The following GRM7 variants were observed in gnomAD, a reference collection of about 807,000 sequenced individuals.
GRM7 encodes the protein metabotropic glutamate receptor 7.
A neutral mutation model predicts 84.5 loss-of-function variants in GRM7; 35 were observed. The observed-to-expected ratio is 0.41, with a 90% CI of 0.32 to 0.55. GRM7 has a LOEUF of 0.55. Among genes scored for constraint, GRM7 ranks in the 20% least tolerant of loss-of-function variants. GRM7 has a pLI of 0.19. For missense variants in GRM7, 1,003 were observed against 1,194.6 expected (o/e 0.84, Z 2.36); for synonymous variants, 487 against 455.1 (o/e 1.07, Z -0.89).
At chr3:7,499,491 C>T (rs988036222) in intron 7 of GRM7, among the ~76,000 whole-genome samples, 1 of 152,140 alleles carries the variant, frequency 6.6e-6, no homozygotes, top group African/African-American at 2.4e-5. Flanking sequence ...ATGCTGCTGA[C>T]ATCAATAAAA....
chr3:7,012,235 A>G (rs1438177852), intron 1 of GRM7, among the ~76,000 whole-genome samples: 1 of 152,172 alleles, frequency 6.6e-6, no homozygotes, highest in African/African-American at 2.4e-5. Context: ...TAGTTCACTC[A>G]AGGCAGCATG....
chr3:7,430,819 A>G (rs1575324824), intron 5 of GRM7, among the ~76,000 whole-genome samples: 1 of 152,182 alleles, frequency 6.6e-6, no homozygotes, highest in East Asian at 1.9e-4. Context: ...TATGGAGTAT[A>G]GGGAAGTTTG....
chr3:7,370,887 G>A lies in GRM7; in HGVS notation c.1034-44136G>A, dbSNP rs565638064. 3.3e-5 allele frequency among the ~76,000 whole-genome samples: 5 copies of A among 152,256 alleles called. No homozygotes were observed. The South Asian group carries it at 1.0e-3, about 32-fold the overall frequency. ...CTGAACTGTGGTAGAAGATGATTTA[G>A]AACTACTTAAAAGTTTCTGAAATTC... On this transcript the variant is annotated intron_variant, in intron 4 of 9. Coordinates refer to ENST00000357716, the MANE Select transcript of GRM7 (RefSeq NM_000844.4).
rs369316842 is a variant in GRM7, at chr3:7,110,609, ACACG to A, written c.520-35839_520-35836del. 7.7e-3 allele frequency among the ~76,000 whole-genome samples: 1,125 copies of A among 145,490 alleles called. 20 individuals carry two copies. The highest frequency in any genetic ancestry group is 0.027 in the African/African-American group (1,057 of 39,774). ...TACTCTGTCACACACACACACACACACACGCACACAATTATATATATATAATTTT... is the reference window on the plus strand; with the variant it reads ...TACTCTGTCACACACACACACACACACACACAATTATATATATATAATTTT... On this transcript the variant is annotated intron_variant, in intron 1 of 9. Transcript: ENST00000357716.
At chr3:7,398,760 C>G (rs866514273) in intron 4 of GRM7, among the ~76,000 whole-genome samples, 4 of 151,984 alleles carry the variant, frequency 2.6e-5, no homozygotes, top group Non-Finnish European at 5.9e-5. Flanking sequence ...GACATAAGAG[C>G]CTTAAACCTA....
chr3:7,284,318 A>T (rs975653674), intron 2 of GRM7, among the ~76,000 whole-genome samples: 1 of 111,830 alleles, frequency 8.9e-6, no homozygotes, highest in Admixed American at 8.7e-5. Flanking sequence ...GTGTGTATAT[A>T]CATGAGCTCT....
At chr3:6,868,434 G>T (rs190332277) in intron 1 of GRM7, among the ~76,000 whole-genome samples, 2 of 152,040 alleles carry the variant, frequency 1.3e-5, no homozygotes, top group African/African-American at 4.8e-5. Context: ...AATTTTGTAG[G>T]CCCATAGAAA....
chr3:7,146,958 G>A (rs867482415), intron 2 of GRM7, among the ~76,000 whole-genome samples: 3 of 152,258 alleles, frequency 2.0e-5, no homozygotes, highest in Middle Eastern at 3.4e-3. Flanking sequence ...TCTAGCCTGT[G>A]TATGAAAACG....
At chr3:7,495,963 C>T (rs1699687993) in intron 7 of GRM7, among the ~76,000 whole-genome samples, 1 of 152,204 alleles carries the variant, frequency 6.6e-6, no homozygotes, top group South Asian at 2.1e-4. Context: ...GGGTCTATGT[C>T]CACTTGTCCA....
chr3:6,913,592 TCTGA>T (rs1272770530), intron 1 of GRM7, among the ~76,000 whole-genome samples: 5 of 152,220 alleles, frequency 3.3e-5, no homozygotes, highest in Admixed American at 3.3e-4. Context: ...ATACTGAATT[TCTGA>T]CTATTTGCAG....
Position 7,740,686 on chromosome 3 carries a change from G to A in GRM7, c.*280G>A. 1 of 310,924 alleles carries A rather than the reference G, an allele frequency of 3.2e-6. No individual in the cohort carries two copies. Among genetic ancestry groups the A allele is most frequent in the Non-Finnish European group, 5.8e-6 (1 of 171,182 alleles). The allele number at this position is 310,924 out of a possible 1,614,324, so 19.3% of individuals were successfully genotyped here. A position where few individuals can be genotyped will look rare whatever the true frequency, so the allele number is the denominator to read the frequency against. Reference sequence around the variant, plus strand: ...GTGTTGAAACTCAAGTCCCGCCCTGGCTCTTTAGAATGGACCACTGAGAGC... The same window carrying A: ...GTGTTGAAACTCAAGTCCCGCCCTGACTCTTTAGAATGGACCACTGAGAGC... On this transcript the variant is annotated 3_prime_UTR_variant, in exon 10 of 10. Transcript: ENST00000357716.
At chr3:7,063,186 T>G (rs1697494678) in intron 1 of GRM7, among the ~76,000 whole-genome samples, 1 of 151,774 alleles carries the variant, frequency 6.6e-6, no homozygotes, top group Admixed American at 6.6e-5. Context: ...CACAGCCCTC[T>G]CCCGCCCAAA....
intron 1 of GRM7, among the ~76,000 whole-genome samples, chr3:6,886,932 T>G (rs1695718817): frequency 6.6e-6 from 1 of 152,138 alleles, no homozygotes; most frequent in Non-Finnish European, 1.5e-5. Flanking sequence ...TCAGCAAGAT[T>G]GAGTACTTTG....
chr3:7,014,049 G>A (rs956909619), intron 1 of GRM7, among the ~76,000 whole-genome samples: 2 of 152,082 alleles, frequency 1.3e-5, no homozygotes, highest in Non-Finnish European at 2.9e-5. Flanking sequence ...TTTGGTGGGG[G>A]CAAGAATATG....
chr3:7,339,179 C>G (rs1336698783), intron 4 of GRM7, among the ~76,000 whole-genome samples: 2 of 152,060 alleles, frequency 1.3e-5, no homozygotes, highest in Non-Finnish European at 2.9e-5. Context: ...GAGAAATCCA[C>G]TTTATCCTCT....
In GRM7 at chr3:7,560,887, G is replaced by A. The variant is rs150380777; in HGVS notation, c.1516-17535G>A. The stretch of plus-strand genomic sequence containing the variant: ...TTGTTATATTATTTTTGCCTTGGCC[G>A]TTTCTTCTACTCTAAGCTCAGGAAG... On this transcript the variant is annotated intron_variant, in intron 7 of 9. Transcript: ENST00000357716. Among the ~76,000 whole-genome samples the A allele has an allele frequency of 1.1e-4, 16 of 152,052 alleles. 1 individual carries two copies. The highest frequency in any genetic ancestry group is 8.3e-4 in the South Asian group (4 of 4,818).
chr3:7,669,654 C>A (rs759789877), intron 8 of GRM7, among the ~76,000 whole-genome samples: 1 of 152,120 alleles, frequency 6.6e-6, no homozygotes, highest in Non-Finnish European at 1.5e-5. Flanking sequence ...AGAAGCCTGA[C>A]GACAGGCCCT....
intron 2 of GRM7, among the ~76,000 whole-genome samples, chr3:7,263,192 G>A (rs1698503077): frequency 6.6e-6 from 1 of 152,130 alleles, no homozygotes; most frequent in Admixed American, 6.5e-5. Flanking sequence ...TTAGGAGACT[G>A]AGCCTCAGCT....
intron 1 of GRM7, among the ~76,000 whole-genome samples, chr3:7,112,815 G>T (rs1460998474): frequency 6.6e-6 from 1 of 152,124 alleles, no homozygotes; most frequent in Non-Finnish European, 1.5e-5. Context: ...GAATTTCAAG[G>T]TCATGAGTGA....
Sources: allele counts gnomAD v4.1 joint callset (sites outside exome capture counted in the v4.1 genomes callset), GRCh38; gene constraint gnomAD v4.1.1; transcripts MANE v1.5; gene names NCBI Gene and HGNC (gene_info 2026-07-23, HGNC 2026-07-21).